Variants in CCDC68 observed in about 807,000 individuals in gnomAD.
CCDC68 encodes coiled-coil domain containing 68.
A neutral mutation model predicts 47.1 loss-of-function variants in CCDC68; 45 were observed. The observed-to-expected ratio is 0.96, with a 90% CI of 0.75 to 1.23. The LOEUF (loss-of-function observed/expected upper bound fraction) is 1.23. Among genes scored for constraint, CCDC68 ranks in the 50% most tolerant of loss-of-function variants. The probability of loss-of-function intolerance (pLI) is 0.00; values close to 1 mark genes in which losing one functional copy is unlikely to be tolerated. For missense variants in CCDC68, 353 were observed against 373.6 expected, an observed-to-expected ratio of 0.94 and a Z score of 0.45; for synonymous variants, 131 against 129.5, an observed-to-expected ratio of 1.01 and a Z score of -0.08.
chr18:54,946,831 AG>A (rs1436281517), intron 1 of CCDC68, among the ~76,000 whole-genome samples: 1 of 134,344 alleles, frequency 7.4e-6, no homozygotes, highest in Non-Finnish European at 1.6e-5. Flanking sequence ...TAGGAAAATG[AG>A]TTTTTTTTTT....
intron 3 of CCDC68, among the ~76,000 whole-genome samples, chr18:54,941,425 T>A (rs1157102188): frequency 6.6e-6 from 1 of 152,202 alleles, no homozygotes; most frequent in Non-Finnish European, 1.5e-5. Context: ...TAATTTACTG[T>A]TTAGTAATTA....
At chr18:54,934,213 T>C (rs1399485194) in intron 7 of CCDC68, among the ~76,000 whole-genome samples, 1 of 152,228 alleles carries the variant, frequency 6.6e-6, no homozygotes, top group African/African-American at 2.4e-5. Flanking sequence ...TGTGTTCACC[T>C]TTTGTGTATA....
chr18:54,938,963 G>A (rs762674639), intron 4 of CCDC68, among the ~76,000 whole-genome samples: 1 of 152,148 alleles, frequency 6.6e-6, no homozygotes, highest in Non-Finnish European at 1.5e-5. Context: ...ACTGGAAGGT[G>A]CTAGGCCCTT....
At chr18:54,905,934 T>C (rs1913980193) in intron 11 of CCDC68, among the ~76,000 whole-genome samples, 1 of 152,210 alleles carries the variant, frequency 6.6e-6, no homozygotes, top group Admixed American at 6.5e-5. Context: ...GTGCATGCGA[T>C]GGATCTAGGT....
At chr18:54,930,600 T>TTCCA (rs1390045671) in intron 7 of CCDC68, among the ~76,000 whole-genome samples, 2 of 131,316 alleles carry the variant, frequency 1.5e-5, no homozygotes, top group East Asian at 4.5e-4. Context: ...CCTTCCTTCC[T>TTCCA]TCCTTCCTTC....
At chr18:54,958,506 T>C (rs962021347) in intron 1 of CCDC68, among the ~76,000 whole-genome samples, 1 of 152,162 alleles carries the variant, frequency 6.6e-6, no homozygotes, top group African/African-American at 2.4e-5. Flanking sequence ...CCGAACTATA[T>C]ACACCAAGAA....
At chr18:54,929,287 A>C (rs1245051110) in intron 7 of CCDC68, among the ~76,000 whole-genome samples, 1 of 152,312 alleles carries the variant, frequency 6.6e-6, no homozygotes, top group Non-Finnish European at 1.5e-5. Context: ...CAAGGACACT[A>C]GATACCTCTA....
At chr18:54,933,114 G>A (rs372143730) in intron 7 of CCDC68, among the ~76,000 whole-genome samples, 5 of 151,956 alleles carry the variant, frequency 3.3e-5, no homozygotes, top group African/African-American at 7.3e-5. Context: ...ACGGAGTCTC[G>A]CTATGTCACC....
intron 1 of CCDC68, 197 bp downstream of exon 1, chr18:54,959,139 C>T (rs1200864090): frequency 1.3e-5 from 2 of 152,232 alleles, no homozygotes; most frequent in Non-Finnish European, 2.9e-5. Context: ...AACTTCTCGC[C>T]CAGGAAATTC....
At chr18:54,909,386 T>C (rs1914212571) in intron 10 of CCDC68, among the ~76,000 whole-genome samples, 1 of 149,028 alleles carries the variant, frequency 6.7e-6, no homozygotes, top group Non-Finnish European at 1.5e-5. Context: ...CTTTCTTTTT[T>C]TTTTTTTTTT....
Position 54,906,078 on chromosome 18 carries a change from C to T in CCDC68, c.951-1663G>A, listed in dbSNP as rs372501341. ...GTGAGTTTATAATTATTTTATTATA[C>T]ATTACAATGTAATAAAAATAGAAAT... On this transcript the variant is annotated intron_variant, in intron 11 of 11. Coordinates refer to ENST00000591504, the MANE Select transcript of CCDC68 (RefSeq NM_025214.3). Among the ~76,000 whole-genome samples, 224 of 152,248 alleles carry T rather than the reference C, an allele frequency of 1.5e-3. No homozygotes were observed. The South Asian group carries it at 0.016, about 11-fold the overall frequency.
intron 1 of CCDC68, among the ~76,000 whole-genome samples, chr18:54,951,079 T>C (rs994618102): frequency 1.1e-4 from 17 of 150,268 alleles, no homozygotes; most frequent in African/African-American, 4.2e-4. Context: ...CGGCTAATTT[T>C]TTGTATTTTT....
intron 10 of CCDC68, among the ~76,000 whole-genome samples, chr18:54,908,977 T>C (rs1251688596): frequency 6.6e-6 from 1 of 152,168 alleles, no homozygotes; most frequent in Non-Finnish European, 1.5e-5. Context: ...CCCGAAGTGC[T>C]GGGATTGTAG....
intron 1 of CCDC68, 93 bp downstream of exon 1, chr18:54,959,243 G>C (rs780745957): frequency 6.6e-5 from 10 of 152,336 alleles, no homozygotes; most frequent in Non-Finnish European, 1.2e-4. Context: ...CACTGGGGAA[G>C]CCGCTGGAAA....
intron 1 of CCDC68, among the ~76,000 whole-genome samples, chr18:54,951,955 G>A (rs2044626766): frequency 6.6e-6 from 1 of 152,190 alleles, no homozygotes; most frequent in Admixed American, 6.5e-5. Flanking sequence ...CCTTCTCAGA[G>A]CTATGTGAGG....
chr18:54,954,078 C>A (rs909182180), intron 1 of CCDC68, among the ~76,000 whole-genome samples: 1 of 141,626 alleles, frequency 7.1e-6, no homozygotes, highest in Admixed American at 7.3e-5. Context: ...TTGTTTCAGA[C>A]ATAGTCTCAC....
At chr18:54,910,541 C>A (rs893065863) in intron 10 of CCDC68, among the ~76,000 whole-genome samples, 2 of 152,194 alleles carry the variant, frequency 1.3e-5, no homozygotes, top group Non-Finnish European at 2.9e-5. Flanking sequence ...GCAGCCCGGC[C>A]CCCAGCATTC....
intron 1 of CCDC68, among the ~76,000 whole-genome samples, chr18:54,948,123 T>C (rs1187333028): frequency 1.3e-5 from 2 of 152,160 alleles, no homozygotes; most frequent in Non-Finnish European, 2.9e-5. Flanking sequence ...CAAATTCATG[T>C]TAAAGTCCTA....
intron 8 of CCDC68, 86 bp from the exon 9 acceptor site, chr18:54,919,462 A>C: frequency 9.6e-7 from 1 of 1,038,782 alleles, no homozygotes; most frequent in Non-Finnish European, 1.5e-6. Context: ...CCTCCTACAC[A>C]CTCTACTGCT....
Sources: allele counts gnomAD v4.1 joint callset (sites outside exome capture counted in the v4.1 genomes callset), GRCh38; gene constraint gnomAD v4.1.1; transcripts MANE v1.5; gene names NCBI Gene and HGNC (gene_info 2026-07-23, HGNC 2026-07-21).